The following ROBO1 variants were observed in gnomAD, a reference collection of about 807,000 sequenced individuals.
The protein encoded by ROBO1 is roundabout guidance receptor 1, also known as roundabout homolog 1.
Under a neutral mutation model 195.9 loss-of-function variants are expected in ROBO1, and 149 were observed. The observed-to-expected ratio is 0.76, with a 90% confidence interval of 0.67 to 0.87. ROBO1 has a LOEUF of 0.87. Ranked by LOEUF, ROBO1 falls within the 40% of genes least tolerant of loss-of-function variation. ROBO1 has a pLI of 0.00. For missense variants in ROBO1, 1,933 were observed against 2,068.3 expected, an observed-to-expected ratio of 0.93 and a Z score of 1.27; for synonymous variants, 816 against 733.2, an observed-to-expected ratio of 1.11 and a Z score of -1.82.
chr3:79,699,833 A>G (rs1947561357), intron 1 of ROBO1, among the ~76,000 whole-genome samples: 1 of 151,590 alleles, frequency 6.6e-6, no homozygotes, highest in African/African-American at 2.4e-5. Context: ...CATTTTTTAA[A>G]TATAATTTTA....
intron 2 of ROBO1, among the ~76,000 whole-genome samples, chr3:79,148,062 T>G (rs1328180682): frequency 6.6e-6 from 1 of 151,896 alleles, no homozygotes; most frequent in East Asian, 1.9e-4. Flanking sequence ...CTTTCTCTTT[T>G]CTTATCTGCC....
intron 2 of ROBO1, among the ~76,000 whole-genome samples, chr3:79,512,229 T>A (rs1940743321): frequency 1.3e-5 from 2 of 152,164 alleles, no homozygotes; most frequent in Non-Finnish European, 2.9e-5. Flanking sequence ...TGATTCTACT[T>A]TATACGTGAA....
At chr3:79,164,412 C>G (rs1209801926) in intron 2 of ROBO1, among the ~76,000 whole-genome samples, 3 of 152,106 alleles carry the variant, frequency 2.0e-5, no homozygotes, top group African/African-American at 7.2e-5. Flanking sequence ...GGTAACCTGT[C>G]AAATAATCAT....
intron 2 of ROBO1, among the ~76,000 whole-genome samples, chr3:79,201,322 T>G (rs2081759715): frequency 6.6e-6 from 1 of 152,010 alleles, no homozygotes; most frequent in Non-Finnish European, 1.5e-5. Context: ...CCTTTGCAGT[T>G]TATTTTTCTG....
At chr3:79,424,592 G>C (rs771700431) in intron 2 of ROBO1, among the ~76,000 whole-genome samples, 1 of 152,034 alleles carries the variant, frequency 6.6e-6, no homozygotes, top group Non-Finnish European at 1.5e-5. Context: ...ACAAAGCTCC[G>C]TTTCTCATGG....
At chr3:79,501,067 C>T (rs1401607684) in intron 2 of ROBO1, among the ~76,000 whole-genome samples, 2 of 152,156 alleles carry the variant, frequency 1.3e-5, no homozygotes, top group Non-Finnish European at 2.9e-5. Flanking sequence ...CAACACCATA[C>T]CTCTAAGGCA....
chr3:78,981,788 AACACAC>A (rs375186931), intron 3 of ROBO1, among the ~76,000 whole-genome samples: 9 of 140,682 alleles, frequency 6.4e-5, no homozygotes, highest in South Asian at 2.3e-4. Flanking sequence ...GGCCCCTGCC[AACACAC>A]ACACACACAC....
chr3:78,780,182 C>G (rs1330196949), intron 4 of ROBO1, among the ~76,000 whole-genome samples: 1 of 152,018 alleles, frequency 6.6e-6, no homozygotes, highest in Admixed American at 6.6e-5. Context: ...GTACAGCACA[C>G]CACCATAGCA....
intron 2 of ROBO1, among the ~76,000 whole-genome samples, chr3:79,403,119 A>T (rs2037424540): frequency 6.6e-6 from 1 of 151,908 alleles, no homozygotes; most frequent in African/African-American, 2.4e-5. Context: ...TATCACAAAA[A>T]ACCTCCCACC....
chr3:79,430,046 T>C (rs1178523876), intron 2 of ROBO1, among the ~76,000 whole-genome samples: 1 of 151,986 alleles, frequency 6.6e-6, no homozygotes, highest in Non-Finnish European at 1.5e-5. Flanking sequence ...AATTTAGCCA[T>C]AGTCTAACAT....
intron 2 of ROBO1, among the ~76,000 whole-genome samples, chr3:79,186,428 A>C (rs938732167): frequency 5.9e-5 from 9 of 151,990 alleles, no homozygotes; most frequent in South Asian, 4.1e-4. Flanking sequence ...GCACACACAC[A>C]CATATGTGGC....
At chr3:78,643,199 G>C (rs968612393) in intron 21 of ROBO1, among the ~76,000 whole-genome samples, 11 of 152,146 alleles carry the variant, frequency 7.2e-5, no homozygotes, top group Admixed American at 6.6e-4. Context: ...CCAAGCCATA[G>C]AGCTTATTTG....
chr3:79,756,279 C>A (rs367692766), intron 1 of ROBO1, among the ~76,000 whole-genome samples: 1 of 152,006 alleles, frequency 6.6e-6, no homozygotes, highest in Non-Finnish European at 1.5e-5. Context: ...GGGCTGGGTG[C>A]GGTGGCTCAT....
chr3:79,478,884 C>T (rs1307828549), intron 2 of ROBO1, among the ~76,000 whole-genome samples: 1 of 152,132 alleles, frequency 6.6e-6, no homozygotes, highest in Non-Finnish European at 1.5e-5. Context: ...GGAGCAATTC[C>T]TGACTTGGCA....
chr3:78,712,524 T>C (rs1010960926), intron 8 of ROBO1, among the ~76,000 whole-genome samples: 3 of 152,132 alleles, frequency 2.0e-5, no homozygotes, highest in South Asian at 2.1e-4. Context: ...TTCTTTAACA[T>C]ACTGTGTTTA....
chr3:79,445,251 T>C (rs2039200884), intron 2 of ROBO1, among the ~76,000 whole-genome samples: 1 of 151,818 alleles, frequency 6.6e-6, no homozygotes, highest in African/African-American at 2.4e-5. Flanking sequence ...CACCAATGCA[T>C]ATATTACTGA....
At chr3:79,669,704 A>G (rs1054601424) in intron 1 of ROBO1, among the ~76,000 whole-genome samples, 2 of 151,862 alleles carry the variant, frequency 1.3e-5, no homozygotes, top group Admixed American at 1.3e-4. Flanking sequence ...CACTGTATAC[A>G]TAAGAGACCC....
chr3:78,751,590 A>C (rs1024855217), intron 4 of ROBO1, among the ~76,000 whole-genome samples: 3 of 152,170 alleles, frequency 2.0e-5, no homozygotes, highest in African/African-American at 7.2e-5. Context: ...CACAAGTATC[A>C]TGATATAATT....
intron 2 of ROBO1, among the ~76,000 whole-genome samples, chr3:79,313,899 C>A (rs781272180): frequency 6.6e-6 from 1 of 152,110 alleles, no homozygotes; most frequent in African/African-American, 2.4e-5. Context: ...GAAAACTAGA[C>A]ACTTGAGGCA....
Sources: gnomAD v4.1 joint callset for allele counts (sites outside exome capture counted in the v4.1 genomes callset) on GRCh38, gnomAD v4.1.1 for gene constraint, MANE v1.5 for transcripts, NCBI Gene and HGNC (gene_info 2026-07-23, HGNC 2026-07-21) for gene names.